GALNTL6: variants seen among roughly 807,000 people sequenced by gnomAD.
GALNTL6 encodes polypeptide N-acetylgalactosaminyltransferase-like 6.
Under a neutral mutation model 73.7 loss-of-function variants are expected in GALNTL6, and 46 were observed. The ratio of observed to expected loss-of-function variants is 0.62; its 90% CI spans 0.49 to 0.80. The LOEUF is 0.80. Among genes scored for constraint, GALNTL6 ranks in the 30% least tolerant of loss-of-function variants. The probability of loss-of-function intolerance (pLI) is 0.00; values close to 1 mark genes in which losing one functional copy is unlikely to be tolerated. For missense variants in GALNTL6, 604 were observed against 755.0 expected, an observed-to-expected ratio of 0.80 and a Z score of 2.34; for synonymous variants, 259 against 263.7, an observed-to-expected ratio of 0.98 and a Z score of 0.17.
intron 5 of GALNTL6, among the ~76,000 whole-genome samples, chr4:172,349,465 C>T (rs996856285): frequency 5.3e-5 from 8 of 151,992 alleles, no homozygotes; most frequent in Non-Finnish European, 1.2e-4. Flanking sequence ...AACTTGAGAT[C>T]ACATGGGTTA....
At chr4:172,621,761 C>T (rs1738968438) in intron 5 of GALNTL6, among the ~76,000 whole-genome samples, 1 of 152,130 alleles carries the variant, frequency 6.6e-6, no homozygotes, top group Non-Finnish European at 1.5e-5. Context: ...GTTTCTACTT[C>T]CTCACAATAG....
chr4:171,943,555 A>G (rs1240874620), intron 2 of GALNTL6, among the ~76,000 whole-genome samples: 2 of 152,218 alleles, frequency 1.3e-5, no homozygotes, highest in Admixed American at 6.5e-5. Context: ...GTGATCTACT[A>G]GTAGACATGC....
At chr4:171,929,567 C>T (rs879673910) in intron 2 of GALNTL6, among the ~76,000 whole-genome samples, 1 of 152,182 alleles carries the variant, frequency 6.6e-6, no homozygotes, top group Non-Finnish European at 1.5e-5. Flanking sequence ...GGAGAGTACC[C>T]ACATGGACCT....
chr4:172,175,243 A>AT (rs1300538821), intron 2 of GALNTL6, among the ~76,000 whole-genome samples: 2 of 151,922 alleles, frequency 1.3e-5, no homozygotes, highest in African/African-American at 4.8e-5. Flanking sequence ...TACCTGGCTA[A>AT]TTTTTTTGTA....
chr4:172,679,856 A>G (rs115610503), intron 5 of GALNTL6, among the ~76,000 whole-genome samples: 147 of 152,300 alleles, frequency 9.7e-4, no homozygotes, highest in Non-Finnish European at 1.9e-3. Context: ...TTGAAAACAC[A>G]TATTGTCTCC....
At chr4:172,539,875 T>TTATATATA (rs10589603) in intron 5 of GALNTL6, among the ~76,000 whole-genome samples, 2 of 126,680 alleles carry the variant, frequency 1.6e-5, no homozygotes, top group African/African-American at 3.0e-5. Flanking sequence ...ATACATATGA[T>TTATATATA]TATATATATA....
chr4:173,012,983 C>G (rs1294112119), intron 11 of GALNTL6, among the ~76,000 whole-genome samples: 1 of 152,124 alleles, frequency 6.6e-6, no homozygotes, highest in East Asian at 1.9e-4. Context: ...ACTAAAAATA[C>G]AAAAATCAGC....
intron 2 of GALNTL6, among the ~76,000 whole-genome samples, chr4:171,966,754 T>A (rs1270290391): frequency 1.3e-5 from 2 of 152,200 alleles, no homozygotes; most frequent in African/African-American, 2.4e-5. Flanking sequence ...ATCCCAATTC[T>A]TGATTCCAAA....
At chr4:171,988,725 T>C (rs539956162) in intron 2 of GALNTL6, among the ~76,000 whole-genome samples, 156 of 152,166 alleles carry the variant, frequency 1.0e-3, no homozygotes, top group East Asian at 4.1e-3. Context: ...CTGTAACAGG[T>C]GAGTGATAAC....
intron 2 of GALNTL6, among the ~76,000 whole-genome samples, chr4:171,962,973 G>A (rs141532932): frequency 1.2e-3 from 184 of 151,238 alleles, no homozygotes; most frequent in African/African-American, 3.8e-3. Flanking sequence ...TCACTATGTT[G>A]GCCAGGATGG....
intron 2 of GALNTL6, among the ~76,000 whole-genome samples, chr4:172,087,536 C>T (rs762584026): frequency 2.8e-4 from 43 of 151,760 alleles, no homozygotes; most frequent in Middle Eastern, 3.4e-3. Flanking sequence ...TAATAATGTT[C>T]CGTGTTCCAC....
intron 2 of GALNTL6, among the ~76,000 whole-genome samples, chr4:172,017,735 G>C (rs1741250448): frequency 6.6e-6 from 1 of 152,086 alleles, no homozygotes; most frequent in African/African-American, 2.4e-5. Context: ...TCTTCCCATA[G>C]AGTTGGCATT....
intron 2 of GALNTL6, among the ~76,000 whole-genome samples, chr4:171,988,764 G>T (rs1740207518): frequency 6.6e-6 from 1 of 152,140 alleles, no homozygotes; most frequent in South Asian, 2.1e-4. Context: ...AGCGTGCAGT[G>T]GGATGGGATA....
chr4:172,145,232 T>C (rs934496292), intron 2 of GALNTL6, among the ~76,000 whole-genome samples: 6 of 151,974 alleles, frequency 3.9e-5, no homozygotes, highest in South Asian at 2.1e-4. Context: ...CTCCACCTCC[T>C]GGGTTCACGC....
At chr4:172,888,121 C>G (rs1051642543) in intron 8 of GALNTL6, among the ~76,000 whole-genome samples, 2 of 152,162 alleles carry the variant, frequency 1.3e-5, no homozygotes, top group African/African-American at 4.8e-5. Context: ...CAAATATTTT[C>G]TCCCATTCTG....
At chr4:171,995,916 C>T (rs1184416720) in intron 2 of GALNTL6, among the ~76,000 whole-genome samples, 5 of 151,920 alleles carry the variant, frequency 3.3e-5, no homozygotes, top group African/African-American at 4.8e-5. Flanking sequence ...TAATATAACA[C>T]TTAACAACCA....
At chr4:173,010,819 A>C (rs1183066887) in intron 11 of GALNTL6, among the ~76,000 whole-genome samples, 6 of 148,822 alleles carry the variant, frequency 4.0e-5, no homozygotes, top group Non-Finnish European at 8.9e-5. Flanking sequence ...GTTGGCCAGA[A>C]TGGTCTCGAT....
At chr4:172,856,211 C>A (rs757857015) in intron 7 of GALNTL6, among the ~76,000 whole-genome samples, 1 of 152,162 alleles carries the variant, frequency 6.6e-6, no homozygotes, top group Non-Finnish European at 1.5e-5. Context: ...CTTGAAGATT[C>A]CTGACATTAT....
At position 172,298,882 on chromosome 4, in the gene GALNTL6, G is replaced by A. The variant is rs1340680359; in HGVS notation, c.248-12732G>A. On this transcript the variant is annotated intron_variant, in intron 3 of 12. Coordinates refer to ENST00000506823, the MANE Select transcript of GALNTL6 (RefSeq NM_001034845.3). ...GGTATCAGGATGATGCTGGCCTCAT[G>A]AAATGAGTTAGGGAGGATTCCCTCT... Among the ~76,000 whole-genome samples the A allele has an allele frequency of 3.6e-4, 55 of 152,226 alleles. 1 individual carries two copies. The South Asian group carries it at 7.9e-3, about 22-fold the overall frequency.
Sources: allele counts gnomAD v4.1 joint callset (sites outside exome capture counted in the v4.1 genomes callset), GRCh38; gene constraint gnomAD v4.1.1; transcripts MANE v1.5; gene names NCBI Gene and HGNC (gene_info 2026-07-23, HGNC 2026-07-21).